Variants in SPOCK1 observed in about 807,000 individuals in gnomAD.
The protein encoded by SPOCK1 is testican-1.
Under a neutral mutation model 55.3 loss-of-function variants are expected in SPOCK1, and 23 were observed. That is an observed-to-expected ratio of 0.42 (90% CI 0.30 to 0.59). SPOCK1 has a LOEUF of 0.59. Ranked by LOEUF, SPOCK1 falls within the 20% of genes least tolerant of loss-of-function variation. The probability of loss-of-function intolerance (pLI) is 0.22; values close to 1 mark genes in which losing one functional copy is unlikely to be tolerated. For synonymous variants in SPOCK1, 226 were observed against 221.0 expected (o/e 1.02, Z -0.20); for missense variants, 499 against 552.5 (o/e 0.90, Z 0.97).
intron 2 of SPOCK1, among the ~76,000 whole-genome samples, chr5:137,497,271 T>A (rs1754318959): frequency 6.6e-6 from 1 of 152,198 alleles, no homozygotes; most frequent in Non-Finnish European, 1.5e-5. Context: ...CAAATTATCA[T>A]ATTTAAAAAA....
intron 6 of SPOCK1, among the ~76,000 whole-genome samples, chr5:137,030,678 T>C (rs1366778885): frequency 6.6e-6 from 1 of 152,198 alleles, no homozygotes; most frequent in Non-Finnish European, 1.5e-5. Context: ...TGGGCAGATA[T>C]GTTGGTAGCA....
chr5:137,084,379 A>C (rs912856121), intron 5 of SPOCK1, among the ~76,000 whole-genome samples: 2 of 151,896 alleles, frequency 1.3e-5, no homozygotes, highest in Non-Finnish European at 2.9e-5. Flanking sequence ...CACTGCCTAT[A>C]ACTTCCCATT....
At chr5:137,103,283 C>T (rs768837304) in intron 5 of SPOCK1, among the ~76,000 whole-genome samples, 1 of 152,156 alleles carries the variant, frequency 6.6e-6, no homozygotes, top group Non-Finnish European at 1.5e-5. Flanking sequence ...ACCACGCCGG[C>T]TTTGTTCTTC....
chr5:137,364,375 G>A (rs1398586006), intron 2 of SPOCK1, among the ~76,000 whole-genome samples: 1 of 152,164 alleles, frequency 6.6e-6, no homozygotes, highest in Non-Finnish European at 1.5e-5. Context: ...AATTACGAGT[G>A]ATTTATCTGC....
intron 6 of SPOCK1, among the ~76,000 whole-genome samples, chr5:137,036,689 G>A (rs145555067): frequency 2.9e-4 from 44 of 152,348 alleles, no homozygotes; most frequent in East Asian, 9.6e-4. Flanking sequence ...TTTACAGGAC[G>A]GTAAGGCCGG....
chr5:137,330,820 C>A (rs1001570540), intron 2 of SPOCK1, among the ~76,000 whole-genome samples: 1 of 152,168 alleles, frequency 6.6e-6, no homozygotes, highest in Non-Finnish European at 1.5e-5. Flanking sequence ...GTCACACAAG[C>A]CAAGCACTAT....
chr5:137,086,468 C>A (rs775846191), intron 5 of SPOCK1, among the ~76,000 whole-genome samples: 9 of 152,160 alleles, frequency 5.9e-5, no homozygotes, highest in Admixed American at 3.9e-4. Context: ...CATGAGGGCA[C>A]AGGCTCTTTG....
intron 2 of SPOCK1, among the ~76,000 whole-genome samples, chr5:137,281,694 C>T (rs1286766728): frequency 6.6e-6 from 1 of 152,212 alleles, no homozygotes; most frequent in African/African-American, 2.4e-5. Flanking sequence ...GCATTCGGGG[C>T]TCAGCTATCT....
intron 3 of SPOCK1, among the ~76,000 whole-genome samples, chr5:137,213,305 A>C (rs1388183369): frequency 6.6e-6 from 1 of 152,226 alleles, no homozygotes. Context: ...CCGAGGTCAC[A>C]TAACAAGTAA....
intron 2 of SPOCK1, among the ~76,000 whole-genome samples, chr5:137,280,042 C>T (rs2127124612): frequency 6.6e-6 from 1 of 152,294 alleles, no homozygotes; most frequent in Admixed American, 6.5e-5. Context: ...TGGAGGTCCC[C>T]CGCACAGCCA....
At chr5:137,275,762 A>T (rs963885972) in intron 2 of SPOCK1, among the ~76,000 whole-genome samples, 1 of 152,252 alleles carries the variant, frequency 6.6e-6, no homozygotes, top group Middle Eastern at 3.4e-3. Context: ...AGCTCATTAG[A>T]CAGCACCTCT....
intron 3 of SPOCK1, among the ~76,000 whole-genome samples, chr5:137,189,317 C>G (rs1038593143): frequency 3.9e-5 from 6 of 152,218 alleles, no homozygotes; most frequent in Non-Finnish European, 8.8e-5. Flanking sequence ...GGCTTCCAAG[C>G]TTCAAAGGAC....
At chr5:137,359,501 C>A (rs534652823) in intron 2 of SPOCK1, among the ~76,000 whole-genome samples, 1 of 152,202 alleles carries the variant, frequency 6.6e-6, no homozygotes, top group South Asian at 2.1e-4. Context: ...TGAGTATCTA[C>A]GACAGGGCAG....
chr5:137,287,186 T>C (rs1314324775), intron 2 of SPOCK1, among the ~76,000 whole-genome samples: 1 of 152,186 alleles, frequency 6.6e-6, no homozygotes, highest in Non-Finnish European at 1.5e-5. Context: ...AGTCCCCACT[T>C]GGCTGCCATG....
rs550785536 is a variant in SPOCK1 at position 137,428,361 on chromosome 5, C to T, written c.186+70012G>A. On this transcript the variant is annotated intron_variant, in intron 2 of 10. Coordinates refer to ENST00000394945, the MANE Select transcript of SPOCK1 (RefSeq NM_004598.4). Reference sequence around the variant, plus strand: ...GAGTCATGTAGGGAAAATGGAAAGGCAGGGAAGCCCAGTTCAGAGGCAATC... The same window carrying T: ...GAGTCATGTAGGGAAAATGGAAAGGTAGGGAAGCCCAGTTCAGAGGCAATC... Among the ~76,000 whole-genome samples the T allele has an allele frequency of 6.6e-5, 10 of 152,178 alleles. No individual in the cohort carries two copies. In the South Asian group the frequency reaches 2.1e-3, roughly 32 times the overall value.
chr5:137,229,278 C>T (rs1353325327), intron 3 of SPOCK1, among the ~76,000 whole-genome samples: 1 of 152,112 alleles, frequency 6.6e-6, no homozygotes, highest in Non-Finnish European at 1.5e-5. Flanking sequence ...TGAATTGGGA[C>T]ATGTGAATGC....
chr5:137,273,137 C>T (rs1159284023), intron 2 of SPOCK1, among the ~76,000 whole-genome samples: 1 of 152,204 alleles, frequency 6.6e-6, no homozygotes, highest in Non-Finnish European at 1.5e-5. Context: ...TAATAACTGA[C>T]AATCATACTT....
At chr5:137,417,429 T>C (rs1263455474) in intron 2 of SPOCK1, among the ~76,000 whole-genome samples, 1 of 151,926 alleles carries the variant, frequency 6.6e-6, no homozygotes, top group Non-Finnish European at 1.5e-5. Flanking sequence ...AGATGACTTT[T>C]GACATTCACA....
intron 3 of SPOCK1, among the ~76,000 whole-genome samples, chr5:137,166,141 G>A (rs1014090128): frequency 6.6e-5 from 10 of 152,080 alleles, no homozygotes; most frequent in African/African-American, 2.4e-4. Context: ...CAAAGGCCAA[G>A]GATAAAGAGA....
Sources: gnomAD v4.1 joint callset for allele counts (sites outside exome capture counted in the v4.1 genomes callset) on GRCh38, gnomAD v4.1.1 for gene constraint, MANE v1.5 for transcripts, NCBI Gene and HGNC (gene_info 2026-07-23, HGNC 2026-07-21) for gene names.